Variants in SLC9A9 observed in about 807,000 individuals in gnomAD.
SLC9A9 encodes the protein solute carrier family 9 member A9, also known as sodium/hydrogen exchanger 9.
In SLC9A9, 62 loss-of-function variants were observed where a neutral mutation model predicts 77.8. The ratio of observed to expected loss-of-function variants is 0.80; its 90% CI spans 0.65 to 0.98. SLC9A9 has a LOEUF of 0.98. Among genes scored for constraint, SLC9A9 ranks in the 50% least tolerant of loss-of-function variants. The probability of loss-of-function intolerance (pLI) is 0.00; values close to 1 mark genes in which losing one functional copy is unlikely to be tolerated. For missense variants in SLC9A9, 775 were observed against 774.9 expected (o/e 1.00, Z 0.00); for synonymous variants, 320 against 283.5 (o/e 1.13, Z -1.29).
Position 143,689,089 on chromosome 3 carries a change from C to A in SLC9A9, c.649+4103G>T, listed in dbSNP as rs538674616. On this transcript the variant is annotated intron_variant, in intron 5 of 15. Coordinates refer to ENST00000316549, the MANE Select transcript of SLC9A9 (RefSeq NM_173653.4). Reference sequence around the variant, plus strand: ...ATCCTCACCTTTCATATGGATAAACCCCCCAAGTTTTTATTGTCTACTGCA... The same window carrying A: ...ATCCTCACCTTTCATATGGATAAACACCCCAAGTTTTTATTGTCTACTGCA... Among the ~76,000 whole-genome samples, 27 of 151,846 alleles carry A rather than the reference C, an allele frequency of 1.8e-4. No homozygotes were observed. The East Asian group carries it at 5.1e-3, about 28-fold the overall frequency.
intron 9 of SLC9A9, among the ~76,000 whole-genome samples, chr3:143,524,271 A>T (rs1363960560): frequency 3.9e-5 from 6 of 152,120 alleles, no homozygotes; most frequent in Non-Finnish European, 5.9e-5. Context: ...CTGAGATCCA[A>T]GACCCTGCTG....
chr3:143,660,666 CT>C (rs1560017830), intron 5 of SLC9A9, among the ~76,000 whole-genome samples: 1 of 152,178 alleles, frequency 6.6e-6, no homozygotes, highest in Non-Finnish European at 1.5e-5. Flanking sequence ...ATACACTCTG[CT>C]CCCCTCTTAC....
chr3:143,324,266 GT>G (rs2031510598), intron 14 of SLC9A9, among the ~76,000 whole-genome samples: 6 of 152,158 alleles, frequency 3.9e-5, no homozygotes, highest in Admixed American at 3.9e-4. Flanking sequence ...GGTGAGCCTT[GT>G]CTAAGTCCAG....
chr3:143,783,078 A>G (rs1296630674), intron 4 of SLC9A9, among the ~76,000 whole-genome samples: 2 of 152,084 alleles, frequency 1.3e-5, no homozygotes, highest in Admixed American at 1.3e-4. Flanking sequence ...GCTACCTTAT[A>G]TCTATTTTCA....
intron 9 of SLC9A9, among the ~76,000 whole-genome samples, chr3:143,542,650 C>T (rs1312526475): frequency 1.3e-5 from 2 of 152,142 alleles, no homozygotes; most frequent in Admixed American, 1.3e-4. Context: ...TAGACATTTG[C>T]CTTACGCATC....
At chr3:143,428,854 C>T (rs1576490791) in intron 12 of SLC9A9, among the ~76,000 whole-genome samples, 1 of 152,154 alleles carries the variant, frequency 6.6e-6, no homozygotes, top group South Asian at 2.1e-4. Flanking sequence ...CATGTGGAGT[C>T]CAAACAGTTG....
At chr3:143,316,033 T>C (rs1033064433) in intron 14 of SLC9A9, among the ~76,000 whole-genome samples, 1 of 152,182 alleles carries the variant, frequency 6.6e-6, no homozygotes, top group Non-Finnish European at 1.5e-5. Flanking sequence ...TGTGTCTGGA[T>C]TTCTGAGCAG....
At chr3:143,699,723 C>A (rs918991690) in intron 4 of SLC9A9, among the ~76,000 whole-genome samples, 4 of 152,082 alleles carry the variant, frequency 2.6e-5, no homozygotes, top group Non-Finnish European at 5.9e-5. Context: ...TCCTCTGGGG[C>A]CCTAAATAAA....
intron 4 of SLC9A9, among the ~76,000 whole-genome samples, chr3:143,744,799 G>T (rs553899196): frequency 6.6e-6 from 1 of 152,244 alleles, no homozygotes; most frequent in South Asian, 2.1e-4. Context: ...GAGGAAAGAG[G>T]TATGAGCCTG....
At chr3:143,589,108 A>C (rs756401838) in intron 6 of SLC9A9, among the ~76,000 whole-genome samples, 7 of 152,222 alleles carry the variant, frequency 4.6e-5, no homozygotes, top group Admixed American at 2.0e-4. Flanking sequence ...GAAGGAGGTC[A>C]AATTCTCCAA....
intron 14 of SLC9A9, among the ~76,000 whole-genome samples, chr3:143,320,879 T>A (rs1170105835): frequency 1.3e-5 from 2 of 152,116 alleles, no homozygotes; most frequent in African/African-American, 4.8e-5. Flanking sequence ...CCAATATAAC[T>A]GGGGCCTTTA....
intron 14 of SLC9A9, among the ~76,000 whole-genome samples, chr3:143,275,343 A>G (rs184197429): frequency 3.9e-5 from 6 of 152,170 alleles, no homozygotes; most frequent in Admixed American, 1.3e-4. Flanking sequence ...GTTAAAACTT[A>G]TCTAATGTCG....
intron 14 of SLC9A9, 90 bp from the exon 15 acceptor site, chr3:143,269,070 C>T (rs2289492): frequency 0.16 from 154,002 of 974,832 alleles, 13,234 homozygotes; most frequent in East Asian, 0.27. Flanking sequence ...GAGACAGCTA[C>T]GTTTGCCTTT....
At chr3:143,631,822 T>A (rs538026770) in intron 6 of SLC9A9, among the ~76,000 whole-genome samples, 68 of 152,318 alleles carry the variant, frequency 4.5e-4, no homozygotes, top group African/African-American at 1.5e-3. Flanking sequence ...CTTGATTTTT[T>A]AAAATTTGGA....
At chr3:143,291,994 C>G (rs1385787099) in intron 14 of SLC9A9, among the ~76,000 whole-genome samples, 3 of 152,200 alleles carry the variant, frequency 2.0e-5, no homozygotes, top group African/African-American at 7.2e-5. Flanking sequence ...AGAGGAATCC[C>G]CCATATAGCC....
intron 7 of SLC9A9, among the ~76,000 whole-genome samples, chr3:143,577,886 C>T (rs1379514513): frequency 6.6e-6 from 1 of 152,144 alleles, no homozygotes; most frequent in Non-Finnish European, 1.5e-5. Context: ...GCCTTCTGGC[C>T]TTCCTCCTCT....
chr3:143,758,476 G>C (rs1040006146), intron 4 of SLC9A9, among the ~76,000 whole-genome samples: 1 of 152,084 alleles, frequency 6.6e-6, no homozygotes, highest in African/African-American at 2.4e-5. Flanking sequence ...CCCCCTGATG[G>C]GGCAGTGGCC....
At chr3:143,331,051 T>C (rs2031751621) in intron 14 of SLC9A9, among the ~76,000 whole-genome samples, 1 of 152,222 alleles carries the variant, frequency 6.6e-6, no homozygotes, top group Non-Finnish European at 1.5e-5. Flanking sequence ...TTACCTTTAG[T>C]TAATAGAGTA....
intron 12 of SLC9A9, among the ~76,000 whole-genome samples, chr3:143,386,170 C>T (rs2033421553): frequency 6.6e-6 from 1 of 152,216 alleles, no homozygotes; most frequent in African/African-American, 2.4e-5. Context: ...CTGTACTCCT[C>T]CTACTCTGCT....
Sources: allele counts gnomAD v4.1 joint callset (sites outside exome capture counted in the v4.1 genomes callset), GRCh38; gene constraint gnomAD v4.1.1; transcripts MANE v1.5; gene names NCBI Gene and HGNC (gene_info 2026-07-23, HGNC 2026-07-21).